Variants in KHDRBS2 observed in about 807,000 individuals in gnomAD.
KHDRBS2 encodes KH domain-containing, RNA-binding, signal transduction-associated protein 2.
A neutral mutation model predicts 44.3 loss-of-function variants in KHDRBS2; 26 were observed. That is an observed-to-expected ratio of 0.59 (90% CI 0.43 to 0.81). KHDRBS2 has a LOEUF of 0.81. Ranked by LOEUF, KHDRBS2 falls within the 40% of genes least tolerant of loss-of-function variation. The probability of loss-of-function intolerance (pLI) is 0.00; values close to 1 mark genes in which losing one functional copy is unlikely to be tolerated. For synonymous variants in KHDRBS2, 194 were observed against 151.1 expected (o/e 1.28, Z -2.08); for missense variants, 476 against 433.1 (o/e 1.10, Z -0.88).
chr6:61,820,389 GA>G (rs1789706125), intron 6 of KHDRBS2, among the ~76,000 whole-genome samples: 1 of 151,914 alleles, frequency 6.6e-6, no homozygotes, highest in Non-Finnish European at 1.5e-5. Context: ...AACATAGAAT[GA>G]AATATAAGAT....
chr6:61,629,561 C>A, the KHDRBS2 span, among the ~76,000 whole-genome samples: 1 of 152,054 alleles, frequency 6.6e-6, no homozygotes, highest in Non-Finnish European at 1.5e-5. Context: ...TTTGAGAAAA[C>A]ACAACTTTTT....
chr6:61,899,201 T>C (rs1803475659), intron 5 of KHDRBS2, among the ~76,000 whole-genome samples: 1 of 151,942 alleles, frequency 6.6e-6, no homozygotes, highest in Non-Finnish European at 1.5e-5. Flanking sequence ...TACAATGTAA[T>C]AATGTTCCTA....
intron 6 of KHDRBS2, among the ~76,000 whole-genome samples, chr6:61,792,224 C>T (rs1353807455): frequency 6.6e-6 from 1 of 151,446 alleles, no homozygotes; most frequent in Non-Finnish European, 1.5e-5. Flanking sequence ...ATTCCATCCA[C>T]CGCTCCTAAC....
chr6:62,258,134 G>C (rs992936210), intron 1 of KHDRBS2, among the ~76,000 whole-genome samples: 15 of 152,076 alleles, frequency 9.9e-5, no homozygotes, highest in African/African-American at 3.4e-4. Flanking sequence ...TGATTAAAGG[G>C]TTACTGTGCA....
chr6:61,794,035 T>C (rs1354036681), intron 6 of KHDRBS2, among the ~76,000 whole-genome samples: 1 of 152,178 alleles, frequency 6.6e-6, no homozygotes, highest in Admixed American at 6.6e-5. Context: ...ATTTAGTATT[T>C]ATTTGCTCAA....
the KHDRBS2 span, among the ~76,000 whole-genome samples, chr6:61,626,199 A>C: frequency 2.6e-5 from 4 of 152,342 alleles, no homozygotes; most frequent in African/African-American, 9.6e-5. Flanking sequence ...AAATAGCCTA[A>C]ATAGCAATAT....
At chr6:61,790,369 G>C (rs1423477070) in intron 6 of KHDRBS2, among the ~76,000 whole-genome samples, 1 of 148,458 alleles carries the variant, frequency 6.7e-6, no homozygotes, top group Non-Finnish European at 1.5e-5. Flanking sequence ...TGCTAAAGAA[G>C]TTAATCAAAG....
the KHDRBS2 span, among the ~76,000 whole-genome samples, chr6:61,550,455 C>T: frequency 0.81 from 122,890 of 152,124 alleles, 50,136 homozygotes; most frequent in African/African-American, 0.91. Context: ...GACATTTAGA[C>T]TGATTCCATA....
At chr6:61,778,468 C>A (rs560717148) in intron 6 of KHDRBS2, among the ~76,000 whole-genome samples, 13 of 152,132 alleles carry the variant, frequency 8.5e-5, no homozygotes, top group African/African-American at 2.9e-4. Flanking sequence ...ATTCAGGTAC[C>A]ATGTAACCTT....
chr6:62,069,026 G>A (rs1256925777), intron 2 of KHDRBS2, among the ~76,000 whole-genome samples: 3 of 151,486 alleles, frequency 2.0e-5, no homozygotes, highest in Non-Finnish European at 3.0e-5. Context: ...CTGGAAAAAA[G>A]ATACTAGGGA....
chr6:61,590,330 T>C, the KHDRBS2 span, among the ~76,000 whole-genome samples: 2 of 152,294 alleles, frequency 1.3e-5, no homozygotes, highest in South Asian at 4.1e-4. Context: ...CATGGAGATG[T>C]CTTGGGTATT....
At chr6:61,817,522 G>T (rs979348229) in intron 6 of KHDRBS2, among the ~76,000 whole-genome samples, 2 of 151,908 alleles carry the variant, frequency 1.3e-5, no homozygotes, top group African/African-American at 4.8e-5. Flanking sequence ...TCTTTCTAAA[G>T]AAAGTAAAAT....
intron 8 of KHDRBS2, among the ~76,000 whole-genome samples, chr6:61,683,879 C>T (rs1293206202): frequency 2.6e-5 from 4 of 151,776 alleles, no homozygotes; most frequent in Admixed American, 6.6e-5. Context: ...AAAAGTAAAT[C>T]GCCAGCCAAA....
the KHDRBS2 span, among the ~76,000 whole-genome samples, chr6:61,617,481 CTTTATAACA>C: frequency 6.6e-6 from 1 of 152,022 alleles, no homozygotes; most frequent in Non-Finnish European, 1.5e-5. Flanking sequence ...TGCAGCAGTG[CTTTATAACA>C]TTTATAACAT....
At chr6:61,650,527 G>C in the KHDRBS2 span, among the ~76,000 whole-genome samples, 35 of 151,948 alleles carry the variant, frequency 2.3e-4, no homozygotes, top group African/African-American at 8.0e-4. Flanking sequence ...AGCACAGTCA[G>C]ATGGGAAAGG....
intron 2 of KHDRBS2, among the ~76,000 whole-genome samples, chr6:62,057,078 A>G (rs1790455747): frequency 6.6e-6 from 1 of 151,994 alleles, no homozygotes; most frequent in South Asian, 2.1e-4. Flanking sequence ...AGTTTCACAA[A>G]GTGAGAGAAA....
At chr6:61,748,486 T>TTTG (rs1777182097) in intron 6 of KHDRBS2, among the ~76,000 whole-genome samples, 2 of 152,174 alleles carry the variant, frequency 1.3e-5, no homozygotes, top group Admixed American at 6.5e-5. Context: ...ACTCACCAGG[T>TTTG]CTATATTAAG....
At chr6:61,783,791 G>A (rs949112109) in intron 6 of KHDRBS2, among the ~76,000 whole-genome samples, 1 of 151,890 alleles carries the variant, frequency 6.6e-6, no homozygotes, top group African/African-American at 2.4e-5. Context: ...AATAATAGTA[G>A]TCATTACCTA....
intron 2 of KHDRBS2, among the ~76,000 whole-genome samples, chr6:62,148,375 T>G (rs982571959): frequency 2.6e-5 from 4 of 152,002 alleles, no homozygotes; most frequent in African/African-American, 9.7e-5. Flanking sequence ...ATAAAGATAG[T>G]CCTTAACCTT....
Sources: gnomAD v4.1 joint callset for allele counts (sites outside exome capture counted in the v4.1 genomes callset) on GRCh38, gnomAD v4.1.1 for gene constraint, MANE v1.5 for transcripts, NCBI Gene and HGNC (gene_info 2026-07-23, HGNC 2026-07-21) for gene names.